The following HACD4 variants were observed in gnomAD, a reference collection of about 807,000 sequenced individuals.
HACD4 encodes 3-hydroxyacyl-CoA dehydratase 4.
Under a neutral mutation model 33.3 loss-of-function variants are expected in HACD4, and 35 were observed. The ratio of observed to expected loss-of-function variants is 1.05; its 90% CI spans 0.80 to 1.39. The LOEUF (loss-of-function observed/expected upper bound fraction) is 1.39. Ranked by LOEUF, HACD4 falls within the 40% of genes most tolerant of loss-of-function variation. HACD4 has a pLI of 0.00. For missense variants in HACD4, 323 were observed against 276.5 expected, an observed-to-expected ratio of 1.17 and a Z score of -1.19; for synonymous variants, 118 against 98.0, an observed-to-expected ratio of 1.20 and a Z score of -1.21.
rs1842277091 is a variant in HACD4 at position 21,006,650 on chromosome 9, CT to C, written c.*386del. 3 of 233,218 alleles carry C rather than the reference CT, an allele frequency of 1.3e-5. No individual in the cohort carries two copies. The South Asian group carries it at 1.6e-4, about 12-fold the overall frequency. 14.4% of individuals were successfully genotyped at this position (233,218 alleles called of 1,614,324 possible). A position where few individuals can be genotyped will look rare whatever the true frequency, so the allele number is the denominator to read the frequency against. On this transcript the variant is annotated 3_prime_UTR_variant, in exon 7 of 7. Coordinates refer to ENST00000495827, the MANE Select transcript of HACD4 (RefSeq NM_001010915.5). This position sits in a 1 kb window ranked among gnomAD's most constrained non-coding sequence, Gnocchi z 4.6. ...CTTCTCCTACAGATCTATTTGGGAA[CT>C]TGGAAGTGAAAAAGAATACATGTAA...
intron 1 of HACD4, among the ~76,000 whole-genome samples, chr9:21,030,899 G>GAGTGAC (rs1211229134): frequency 1.3e-5 from 2 of 152,226 alleles, no homozygotes; most frequent in African/African-American, 4.8e-5. Flanking sequence ...GAGTTCAGAA[G>GAGTGAC]AGTGACGGGA....
At position 21,016,009 on chromosome 9, in the gene HACD4, A is replaced by G. The variant is rs761914921; in HGVS notation, c.272T>C (p.Leu91Pro). 6.2e-7 allele frequency: 1 copy of G among 1,603,018 alleles called. No individual in the cohort carries two copies. The highest frequency in any genetic ancestry group is 1.7e-5 in the Admixed American group (1 of 59,856). ...AAAAAGGATGATTATTCTTTCTGTGAGCTAACAAAGAAACAGCAAAGTCAG... is the reference window on the plus strand; with the variant it reads ...AAAAAGGATGATTATTCTTTCTGTGGGCTAACAAAGAAACAGCAAAGTCAG... ...SNHLLPRFLQLTERIIILFVV... is the reference protein window; with the variant it reads ...SNHLLPRFLQPTERIIILFVV... The change falls in exon 4 of 7, where the codon CTC becomes CCC. Residue 91 changes from leucine (L) to proline (P), a missense_variant and splice_region_variant. Leu to Pro is a moderately conservative substitution (Grantham distance 98). Transcript: ENST00000495827.
Position 21,002,477 on chromosome 9 carries a change from G to A in HACD4, c.*4560C>T, listed in dbSNP as rs1159400808. The A allele has an allele frequency of 6.6e-6, 1 of 152,078 alleles. No individual in the cohort carries two copies. Among genetic ancestry groups the A allele is most frequent in the Non-Finnish European group, 1.5e-5 (1 of 67,978 alleles). The allele number at this position is 152,078 out of a possible 1,614,324, so 9.4% of individuals were successfully genotyped here. A position where few individuals can be genotyped will look rare whatever the true frequency, so the allele number is the denominator to read the frequency against. ...CAATTACGAAAGACAGATACTGTAT[G>A]ATTACATTTATATGAGGTACTTAGA... On this transcript the variant is annotated 3_prime_UTR_variant, in exon 7 of 7. Coordinates refer to ENST00000495827, the MANE Select transcript of HACD4 (RefSeq NM_001010915.5).
At position 21,004,304 on chromosome 9, in the gene HACD4, GC is replaced by G. The variant is rs1842219501; in HGVS notation, c.*2732del. 6.6e-6 allele frequency: 1 copy of G among 152,196 alleles called. No individual in the cohort carries two copies. The highest frequency in any genetic ancestry group is 2.1e-4 in the South Asian group (1 of 4,828). 9.4% of individuals were successfully genotyped at this position (152,196 alleles called of 1,614,324 possible). Reference sequence around the variant, plus strand: ...TTACAGGTATGAGCCAGCATGCCTGGCCAGGGTCTTCTTTTAAGGCATCAAA... The same window carrying G: ...TTACAGGTATGAGCCAGCATGCCTGGCAGGGTCTTCTTTTAAGGCATCAAA... On this transcript the variant is annotated 3_prime_UTR_variant, in exon 7 of 7. Coordinates refer to ENST00000495827, the MANE Select transcript of HACD4 (RefSeq NM_001010915.5). This position sits in a 1 kb window ranked among gnomAD's most constrained non-coding sequence, Gnocchi z 4.6.
At chr9:21,020,524 T>TA (rs1369731981) in intron 3 of HACD4, among the ~76,000 whole-genome samples, 1 of 152,210 alleles carries the variant, frequency 6.6e-6, no homozygotes, top group Non-Finnish European at 1.5e-5. Context: ...TTCTGTACTA[T>TA]AAAAGTCAAG....
intron 1 of HACD4, among the ~76,000 whole-genome samples, chr9:21,029,645 G>T (rs1039460607): frequency 1.3e-5 from 2 of 152,182 alleles, no homozygotes; most frequent in Non-Finnish European, 2.9e-5. Flanking sequence ...CACCCCATCA[G>T]CTGAAAATAT....
At chr9:21,019,691 G>T (rs766995858) in intron 3 of HACD4, among the ~76,000 whole-genome samples, 1 of 151,986 alleles carries the variant, frequency 6.6e-6, no homozygotes. Flanking sequence ...AAAACAGGAA[G>T]ATTCTAAAAT....
intron 3 of HACD4, among the ~76,000 whole-genome samples, chr9:21,021,895 G>C (rs1156966830): frequency 6.6e-6 from 1 of 151,986 alleles, no homozygotes; most frequent in Non-Finnish European, 1.5e-5. Flanking sequence ...AGTTCATATG[G>C]AACCAAAAAA....
intron 1 of HACD4, 143 bp from the exon 2 acceptor site, chr9:21,029,541 G>A (rs1818152892): frequency 6.3e-6 from 3 of 476,058 alleles, no homozygotes; most frequent in Non-Finnish European, 1.1e-5. Context: ...TTACCCCCAA[G>A]TACATATCAG....
At chr9:21,020,507 A>C (rs1817880763) in intron 3 of HACD4, among the ~76,000 whole-genome samples, 1 of 152,132 alleles carries the variant, frequency 6.6e-6, no homozygotes, top group Admixed American at 6.5e-5. Flanking sequence ...TTCAGGCTTG[A>C]TAGTGTTTCT....
chr9:21,009,422 A>G (rs1842355653), intron 5 of HACD4, among the ~76,000 whole-genome samples: 1 of 152,182 alleles, frequency 6.6e-6, no homozygotes, highest in Non-Finnish European at 1.5e-5. Flanking sequence ...AGAAAAGACA[A>G]GGATTAGAAT....
chr9:21,016,183 TTCC>T (rs1229559110), intron 3 of HACD4, among the ~76,000 whole-genome samples, 173 bp from the exon 4 acceptor site: 2 of 152,230 alleles, frequency 1.3e-5, no homozygotes, highest in African/African-American at 4.8e-5. Context: ...TGAATTTCAG[TTCC>T]TCATTTGTCT....
chr9:21,016,074 AT>A, intron 3 of HACD4, 64 bp from the exon 4 acceptor site: 1 of 1,128,670 alleles, frequency 8.9e-7, no homozygotes, highest in Non-Finnish European at 1.3e-6. Flanking sequence ...TAATTTTCTA[AT>A]TTTGAAAACC....
chr9:21,026,525 C>G, intron 3 of HACD4, 71 bp downstream of exon 3: 1 of 1,310,910 alleles, frequency 7.6e-7, no homozygotes, highest in East Asian at 2.4e-5. Flanking sequence ...GCCATAAAGT[C>G]AAGAGAAGCT....
At chr9:21,021,284 C>G (rs1385148308) in intron 3 of HACD4, among the ~76,000 whole-genome samples, 12 of 152,138 alleles carry the variant, frequency 7.9e-5, no homozygotes, top group African/African-American at 7.2e-5. Flanking sequence ...ACTGAATTGG[C>G]AAAAACTGGA....
intron 3 of HACD4, among the ~76,000 whole-genome samples, chr9:21,017,374 CA>C (rs1842581458): frequency 6.6e-6 from 1 of 152,092 alleles, no homozygotes; most frequent in Non-Finnish European, 1.5e-5. Flanking sequence ...TTAGTCAAAC[CA>C]TGGAAGCTAT....
chr9:21,021,862 G>C (rs571923308), intron 3 of HACD4, among the ~76,000 whole-genome samples: 1 of 151,920 alleles, frequency 6.6e-6, no homozygotes, highest in Non-Finnish European at 1.5e-5. Flanking sequence ...CTTTCTTCAC[G>C]GAACTGGAAA....
chr9:21,026,707 A>G lies in HACD4; in HGVS notation c.159T>C (p.Thr53=), dbSNP rs1276206010. 1 of 1,613,898 alleles carries G rather than the reference A, an allele frequency of 6.2e-7. No homozygotes were observed. Among genetic ancestry groups the G allele is most frequent in the East Asian group, 2.2e-5 (1 of 44,870 alleles). ...FSFGKDSMVD[T]FYAIGLVMRL... ...GCATCACAAGTCCAATAGCATAAAA[A>G]GTGTCAACCATTGAATCTGTATCCC... Residue 53 remains threonine, a synonymous_variant, in exon 3 of 7, where the codon ACT becomes ACC. Transcript: ENST00000495827.
chr9:21,031,574 A>G lies in HACD4; in HGVS notation c.17T>C (p.Leu6Pro), dbSNP rs1339726028. The change falls in exon 1 of 7, where the codon CTG (leucine) becomes CCG (proline). Residue 6 changes from leucine to proline, a missense_variant. Leu to Pro is a moderately conservative substitution (Grantham distance 98). Transcript: ENST00000495827. ...CTACCTGGGCTGCAGCCAGGCGGGC[A>G]GCGCCAAGGGCCCCATGGGCCGCCG... MGPLA[L>P]PAWLQPRYRK... 1.4e-6 allele frequency: 2 copies of G among 1,451,322 alleles called. No homozygotes were observed. Among genetic ancestry groups the G allele is most frequent in the Admixed American group, 2.6e-5 (1 of 38,352 alleles). The allele number at this position is 1,451,322 out of a possible 1,614,324, so 89.9% of individuals were successfully genotyped here.
Sources: allele counts gnomAD v4.1 joint callset (sites outside exome capture counted in the v4.1 genomes callset), GRCh38; gene constraint gnomAD v4.1.1; non-coding constraint Gnocchi (gnomAD v3.1); transcripts MANE v1.5; gene names NCBI Gene and HGNC (gene_info 2026-07-23, HGNC 2026-07-21).